PREPL: variants seen among roughly 807,000 people sequenced by gnomAD.
PREPL encodes the protein prolyl endopeptidase-like.
A neutral mutation model predicts 70.6 loss-of-function variants in PREPL; 77 were observed. The ratio of observed to expected loss-of-function variants is 1.09; its 90% CI spans 0.91 to 1.32. The LOEUF (loss-of-function observed/expected upper bound fraction) is 1.32. Ranked by LOEUF, PREPL falls within the 40% of genes most tolerant of loss-of-function variation. The probability of loss-of-function intolerance (pLI) is 0.00; values close to 1 mark genes in which losing one functional copy is unlikely to be tolerated. For missense variants in PREPL, 1,002 were observed against 778.2 expected (o/e 1.29, Z -3.42); for synonymous variants, 315 against 264.8 (o/e 1.19, Z -1.84).
intron 1 of PREPL, among the ~76,000 whole-genome samples, chr2:44,348,144 C>A (rs1676025074): frequency 6.6e-6 from 1 of 152,122 alleles, no homozygotes; most frequent in Non-Finnish European, 1.5e-5. Context: ...CCTGCCTCAG[C>A]CTCCCAAGTA....
intron 4 of PREPL, 137 bp downstream of exon 4, chr2:44,343,608 C>T (rs996404043): frequency 2.5e-4 from 176 of 690,680 alleles, no homozygotes; most frequent in Admixed American, 1.6e-4. Context: ...ATAAGAGGTA[C>T]ATAGGAAGAT....
Position 44,346,403 on chromosome 2 carries a change from T to C in PREPL, c.-48-13A>G. On this transcript the variant is annotated splice_polypyrimidine_tract_variant and intron_variant, in intron 1 of 13. Coordinates refer to ENST00000409411, the MANE Select transcript of PREPL (RefSeq NM_001171613.2). The stretch of plus-strand genomic sequence containing the variant: ...CAGGCTGAAGATCCTGGAAAAAGTT[T>C]TGTTATGATCAAAATATTTCAAACT... 1 of 1,610,202 alleles carries C rather than the reference T, an allele frequency of 6.2e-7. No homozygotes were observed. Among genetic ancestry groups the C allele is most frequent in the Non-Finnish European group, 8.5e-7 (1 of 1,178,812 alleles).
Position 44,320,344 on chromosome 2 carries a change from G to A in PREPL, c.*1012C>T. 6.2e-7 allele frequency: 1 copy of A among 1,614,140 alleles called. No individual in the cohort carries two copies. The highest frequency in any genetic ancestry group is 8.5e-7 in the Non-Finnish European group (1 of 1,179,984). ...GTTGTGTACACAAGAGAGCTGGATG[G>A]CATCGACAGAATCTTTATCGTGGTT... is the stretch of plus-strand genomic sequence containing the variant. On this transcript the variant is annotated 3_prime_UTR_variant, in exon 14 of 14. Coordinates refer to ENST00000409411, the MANE Select transcript of PREPL (RefSeq NM_001171613.2).
chr2:44,326,979 T>C (rs1673570211), intron 9 of PREPL, 51 bp from the exon 10 acceptor site: 1 of 1,494,576 alleles, frequency 6.7e-7, no homozygotes, highest in South Asian at 1.2e-5. Context: ...GTTAATACTG[T>C]AGGCTGGGGT....
intron 1 of PREPL, among the ~76,000 whole-genome samples, chr2:44,350,692 C>A (rs1390782247): frequency 6.6e-6 from 1 of 152,046 alleles, no homozygotes; most frequent in African/African-American, 2.4e-5. Context: ...TTCTCCTTAC[C>A]CCTTCTCTAG....
intron 1 of PREPL, among the ~76,000 whole-genome samples, chr2:44,358,167 C>T (rs372263788): frequency 1.3e-5 from 2 of 152,060 alleles, no homozygotes; most frequent in African/African-American, 4.8e-5. Flanking sequence ...CCATCAATTA[C>T]AGGAATGGAT....
chr2:44,346,078 A>T (rs1161329697), intron 2 of PREPL, among the ~76,000 whole-genome samples, 190 bp downstream of exon 2: 1 of 152,190 alleles, frequency 6.6e-6, no homozygotes, highest in Non-Finnish European at 1.5e-5. Flanking sequence ...ACATTTATTA[A>T]AAGATGTAAA....
At chr2:44,354,074 C>T (rs865778881) in intron 1 of PREPL, among the ~76,000 whole-genome samples, 12 of 151,954 alleles carry the variant, frequency 7.9e-5, no homozygotes, top group Middle Eastern at 3.2e-3. Flanking sequence ...GAAGACAGCA[C>T]GAGCCCAGGA....
At chr2:44,360,459 C>T (rs1677593615) in intron 1 of PREPL, 1 of 152,168 alleles carries the variant, frequency 6.6e-6, no homozygotes, top group African/African-American at 2.4e-5. Flanking sequence ...ACATACTCAA[C>T]TTCGGATTTT....
Position 44,323,050 on chromosome 2 carries a change from G to T in PREPL, c.1630-196C>A, listed in dbSNP as rs561314861. Among the ~76,000 whole-genome samples, 167 of 152,216 alleles carry T rather than the reference G, an allele frequency of 1.1e-3. 1 individual carries two copies. Among genetic ancestry groups the T allele is most frequent in the African/African-American group, 4.0e-3 (166 of 41,534 alleles). ...CTGGAATAGCCTTTTCTTGACTAAA[G>T]GACCTTAGCTAATTTAGTAATTAAG... On this transcript the variant is annotated intron_variant, in intron 11 of 13. Coordinates refer to ENST00000409411, the MANE Select transcript of PREPL (RefSeq NM_001171613.2).
chr2:44,340,167 CTAATA>C (rs1446971943), intron 5 of PREPL, among the ~76,000 whole-genome samples: 9 of 151,770 alleles, frequency 5.9e-5, no homozygotes, highest in East Asian at 1.9e-4. Flanking sequence ...TAATGGCTAC[CTAATA>C]TATCATAATT....
chr2:44,342,600 TA>T lies in PREPL; in HGVS notation c.350-49del, dbSNP rs11421998. 92,269 of 928,968 alleles carry T rather than the reference TA, an allele frequency of 0.099. No homozygotes were observed. The highest frequency in any genetic ancestry group is 0.19 in the East Asian group (6,740 of 36,094). The allele number at this position is 928,968 out of a possible 1,614,324, so 57.5% of individuals were successfully genotyped here. ...TTATACATAATCACCTACACTCCAT[TA>T]AAAAAAAAAAAAAAGCACAGCACAT... On this transcript the variant is annotated intron_variant, in intron 4 of 13. Coordinates refer to ENST00000409411, the MANE Select transcript of PREPL (RefSeq NM_001171613.2).
At chr2:44,361,745 C>A (rs1011834989), upstream of PREPL, 3 of 459,764 alleles carry the variant, frequency 6.5e-6, no homozygotes, top group Admixed American at 9.0e-5. Context: ...GTTCCAGTAG[C>A]CCTGCCACAG....
intron 7 of PREPL, among the ~76,000 whole-genome samples, chr2:44,337,974 G>A (rs1164741581): frequency 1.3e-5 from 2 of 152,228 alleles, no homozygotes; most frequent in Non-Finnish European, 2.9e-5. Flanking sequence ...CCCTGTTGGG[G>A]ATGTGGGATG....
intron 6 of PREPL, 91 bp downstream of exon 6, chr2:44,339,056 A>T: frequency 6.5e-7 from 1 of 1,531,450 alleles, no homozygotes; most frequent in Non-Finnish European, 8.8e-7. Flanking sequence ...TCAATTTATA[A>T]AACAATGAGC....
rs868199268 is a variant in PREPL at position 44,344,515 on chromosome 2, T to C, written c.142+5A>G. ...GAGCACGTAAAAAGAAAAATTGTGG[T>C]GTACCTTCTTCATCTTTGGAACGAA... On this transcript the variant is annotated splice_donor_5th_base_variant and intron_variant, in intron 3 of 13. Coordinates refer to ENST00000409411, the MANE Select transcript of PREPL (RefSeq NM_001171613.2). 1 of 1,574,430 alleles carries C rather than the reference T, an allele frequency of 6.4e-7. No individual in the cohort carries two copies. The highest frequency in any genetic ancestry group is 8.6e-7 in the Non-Finnish European group (1 of 1,160,804).
chr2:44,342,600 TAAA>T (rs11421998), intron 4 of PREPL, 48 bp from the exon 5 acceptor site: 1,429 of 946,700 alleles, frequency 1.5e-3, no homozygotes, highest in South Asian at 4.0e-3. Context: ...TACACTCCAT[TAAA>T]AAAAAAAAAA....
At chr2:44,355,266 G>A (rs1474176020) in intron 1 of PREPL, among the ~76,000 whole-genome samples, 2 of 152,130 alleles carry the variant, frequency 1.3e-5, no homozygotes, top group Non-Finnish European at 2.9e-5. Flanking sequence ...ATGTAATCAG[G>A]GCCAGCTGCG....
chr2:44,346,182 A>G (rs1431231703), intron 2 of PREPL, 86 bp downstream of exon 2: 1 of 1,283,808 alleles, frequency 7.8e-7, no homozygotes, highest in East Asian at 2.3e-5. Flanking sequence ...CTTGATGTGG[A>G]CTATGTCTCT....
Sources: allele counts gnomAD v4.1 joint callset (sites outside exome capture counted in the v4.1 genomes callset), GRCh38; gene constraint gnomAD v4.1.1; transcripts MANE v1.5; gene names NCBI Gene and HGNC (gene_info 2026-07-23, HGNC 2026-07-21).